MGAT4A: variants seen among roughly 807,000 people sequenced by gnomAD.
MGAT4A encodes N-acetylglucosaminyltransferase IVa.
A neutral mutation model predicts 74.1 loss-of-function variants in MGAT4A; 33 were observed. That is an observed-to-expected ratio of 0.45 (90% CI 0.34 to 0.60). The LOEUF (loss-of-function observed/expected upper bound fraction) is 0.60, where lower values mean the gene tolerates loss of function less well. MGAT4A is among the 20% of genes least tolerant of loss of function. The probability of loss-of-function intolerance (pLI) is 0.02; values close to 1 mark genes in which losing one functional copy is unlikely to be tolerated. For synonymous variants in MGAT4A, 198 were observed against 210.4 expected (o/e 0.94, Z 0.51); for missense variants, 479 against 628.3 (o/e 0.76, Z 2.54).
At chr2:98,655,057 C>CA (rs200474667) in intron 8 of MGAT4A, among the ~76,000 whole-genome samples, 3 of 150,526 alleles carry the variant, frequency 2.0e-5, no homozygotes, top group Non-Finnish European at 3.0e-5. Context: ...TTGTGGCCTA[C>CA]AAAAAAAAAT....
chr2:98,704,822 G>A (rs1702400331), intron 2 of MGAT4A, among the ~76,000 whole-genome samples: 1 of 151,970 alleles, frequency 6.6e-6, no homozygotes, highest in Non-Finnish European at 1.5e-5. Flanking sequence ...CCTGTAACTA[G>A]GATTAGCAAA....
chr2:98,651,731 T>C (rs1701581498), intron 8 of MGAT4A, among the ~76,000 whole-genome samples: 2 of 152,272 alleles, frequency 1.3e-5, no homozygotes, highest in South Asian at 4.1e-4. Context: ...TCACTAAAAA[T>C]GTAAATGGGT....
chr2:98,643,567 C>G lies in MGAT4A; in HGVS notation c.1020+356G>C, dbSNP rs10178251. On this transcript the variant is annotated intron_variant, in intron 10 of 15. Coordinates refer to ENST00000393487, the MANE Select transcript of MGAT4A (RefSeq NM_012214.3). ...AGGGTCTAATATCGTCCCCAGTATA[C>G]AAGGAAAAAGAGAGTGAACAGGAAA... Among the ~76,000 whole-genome samples the G allele has an allele frequency of 8.6e-3, 1,301 of 152,056 alleles. 22 individuals carry two copies. Among genetic ancestry groups the G allele is most frequent in the African/African-American group, 0.03 (1,225 of 41,440 alleles).
intron 3 of MGAT4A, among the ~76,000 whole-genome samples, chr2:98,676,970 C>T (rs948957755): frequency 6.6e-6 from 1 of 152,162 alleles, no homozygotes; most frequent in African/African-American, 2.4e-5. Context: ...GGAGAAGGAG[C>T]ACGCAACTTT....
chr2:98,676,972 C>T (rs758678310), intron 3 of MGAT4A, among the ~76,000 whole-genome samples: 11 of 152,088 alleles, frequency 7.2e-5, no homozygotes, highest in Non-Finnish European at 1.6e-4. Context: ...AGAAGGAGCA[C>T]GCAACTTTAT....
chr2:98,679,475 AT>A (rs1367724809), intron 2 of MGAT4A, among the ~76,000 whole-genome samples: 1 of 151,596 alleles, frequency 6.6e-6, no homozygotes, highest in African/African-American at 2.4e-5. Context: ...CTATAAAACA[AT>A]AAAAAATTAG....
intron 2 of MGAT4A, among the ~76,000 whole-genome samples, chr2:98,684,632 T>C (rs538736345): frequency 6.6e-6 from 1 of 152,180 alleles, no homozygotes; most frequent in Non-Finnish European, 1.5e-5. Flanking sequence ...TGATCCTTTT[T>C]GGCAAAAATG....
intron 2 of MGAT4A, among the ~76,000 whole-genome samples, chr2:98,680,522 AT>A (rs1280238175): frequency 6.6e-6 from 1 of 152,188 alleles, no homozygotes; most frequent in Non-Finnish European, 1.5e-5. Flanking sequence ...GCAGAAAAAA[AT>A]ATCTCTCTGT....
intron 1 of MGAT4A, 75 bp downstream of exon 1, chr2:98,730,960 GCCGCCCCCAACTC>G (rs1702846080): frequency 6.9e-6 from 1 of 145,374 alleles, no homozygotes; most frequent in Non-Finnish European, 1.5e-5. Flanking sequence ...GGCCGCCGGC[GCCGCCCCCAACTC>G]CCGCGCCCTC....
intron 2 of MGAT4A, among the ~76,000 whole-genome samples, chr2:98,707,648 T>C (rs1702458196): frequency 6.6e-6 from 1 of 152,104 alleles, no homozygotes; most frequent in Admixed American, 6.6e-5. Context: ...CCTCCCAAGA[T>C]GAAAGAGCAA....
chr2:98,646,411 A>G (rs1334289208), intron 8 of MGAT4A, among the ~76,000 whole-genome samples: 1 of 152,056 alleles, frequency 6.6e-6, no homozygotes, highest in Admixed American at 6.6e-5. Context: ...AGAAACAATC[A>G]CAATTACTGA....
rs1294249693 is a variant in MGAT4A at position 98,731,009 on chromosome 2, CGCCCCCGCGCGCCGCCGCT to C, written c.-236+20_-236+38del. On this transcript the variant is annotated intron_variant, in intron 1 of 15. Coordinates refer to ENST00000393487, the MANE Select transcript of MGAT4A (RefSeq NM_012214.3). The surrounding 1 kb of genome is among the most constrained non-coding windows in gnomAD (Gnocchi z 4.8). ...CGCGCAGCCGCCCCGCGCCCCCTCC[CGCCCCCGCGCGCCGCCGCT>C]GCCGCCGCGAGCCCCTCACCCGCCG... 2.5e-4 allele frequency: 35 copies of C among 142,064 alleles called. No individual in the cohort carries two copies. The highest frequency in any genetic ancestry group is 4.2e-4 in the Admixed American group (6 of 14,436). The allele number at this position is 142,064 out of a possible 1,614,324, so 8.8% of individuals were successfully genotyped here.
At chr2:98,717,562 G>A (rs1702609728) in intron 2 of MGAT4A, among the ~76,000 whole-genome samples, 1 of 151,982 alleles carries the variant, frequency 6.6e-6, no homozygotes, top group South Asian at 2.1e-4. Flanking sequence ...TTAATCTTTT[G>A]GTTTCGAAAA....
chr2:98,692,592 G>A (rs146955800), intron 2 of MGAT4A, among the ~76,000 whole-genome samples: 1,760 of 152,230 alleles, frequency 0.012, 15 homozygotes, highest in Middle Eastern at 0.027. Flanking sequence ...TTCATGGTAA[G>A]TGCTCTCTAC....
intron 4 of MGAT4A, among the ~76,000 whole-genome samples, chr2:98,668,620 T>C (rs1701870863): frequency 6.6e-6 from 1 of 152,160 alleles, no homozygotes; most frequent in South Asian, 2.1e-4. Flanking sequence ...CTAGTGGAGC[T>C]GCGAGAAGAG....
chr2:98,624,911 T>A lies in MGAT4A; in HGVS notation c.*655A>T. Reference sequence around the variant, plus strand: ...AAAATATTTTGTTCAGTCACTGTGATTATAAAAGTACTTCAATTAAGAAAT... The same window carrying A: ...AAAATATTTTGTTCAGTCACTGTGAATATAAAAGTACTTCAATTAAGAAAT... On this transcript the variant is annotated 3_prime_UTR_variant, in exon 16 of 16. Coordinates refer to ENST00000393487, the MANE Select transcript of MGAT4A (RefSeq NM_012214.3). The A allele has an allele frequency of 1.0e-6, 1 of 984,298 alleles. No homozygotes were observed. The highest frequency in any genetic ancestry group is 1.2e-6 in the Non-Finnish European group (1 of 828,516). The allele number at this position is 984,298 out of a possible 1,614,324, so 61.0% of individuals were successfully genotyped here.
intron 12 of MGAT4A, among the ~76,000 whole-genome samples, chr2:98,639,190 G>A (rs1575244508): frequency 6.6e-6 from 1 of 152,064 alleles, no homozygotes; most frequent in African/African-American, 2.4e-5. Flanking sequence ...CGGAGGCTGA[G>A]GCAGGAGAAT....
chr2:98,635,343 G>T, intron 13 of MGAT4A, 55 bp from the exon 14 acceptor site: 1 of 1,306,580 alleles, frequency 7.7e-7, no homozygotes, highest in Non-Finnish European at 1.1e-6. Context: ...TTTAACCTAA[G>T]TTATTAATAT....
In MGAT4A at chr2:98,623,084, G is replaced by A. The variant is rs568696420; in HGVS notation, c.*2482C>T. On this transcript the variant is annotated 3_prime_UTR_variant, in exon 16 of 16. Transcript: ENST00000393487. ...GCTGGAATAATTGGTCTCACATCCA[G>A]ATGCTGACTGGCCACCTGCCACGTG... 4 of 985,372 alleles carry A rather than the reference G, an allele frequency of 4.1e-6. No individual in the cohort carries two copies. The highest frequency in any genetic ancestry group is 3.5e-5 in the African/African-American group (2 of 57,240). The allele number at this position is 985,372 out of a possible 1,614,324, so 61.0% of individuals were successfully genotyped here. A position where few individuals can be genotyped will look rare whatever the true frequency, so the allele number is the denominator to read the frequency against.
Sources: gnomAD v4.1 joint callset for allele counts (sites outside exome capture counted in the v4.1 genomes callset) on GRCh38, gnomAD v4.1.1 for gene constraint, Gnocchi (gnomAD v3.1) non-coding constraint, MANE v1.5 for transcripts, NCBI Gene and HGNC (gene_info 2026-07-23, HGNC 2026-07-21) for gene names.